The following EIF4G1 variants were observed in gnomAD, a reference collection of about 807,000 sequenced individuals.
The protein encoded by EIF4G1 is eukaryotic translation initiation factor 4 gamma 1.
A neutral mutation model predicts 187.8 loss-of-function variants in EIF4G1; 4 were observed. The observed-to-expected ratio is 0.02, with a 90% confidence interval of 0.01 to 0.05. EIF4G1 has a LOEUF of 0.05. Ranked by LOEUF, EIF4G1 falls within the 10% of genes least tolerant of loss-of-function variation. The pLI is 1.00. For missense variants in EIF4G1, 1,647 were observed against 2,081.1 expected (o/e 0.79, Z 4.06); for synonymous variants, 844 against 781.4 (o/e 1.08, Z -1.34).
chr3:184,332,973 T>A (rs890004116), intron 32 of EIF4G1, among the ~76,000 whole-genome samples: 4 of 152,116 alleles, frequency 2.6e-5, no homozygotes, highest in African/African-American at 9.7e-5. Flanking sequence ...GGAATTTGAT[T>A]TTAGTTTTTA....
Position 184,316,239 on chromosome 3 carries a change from G to C in EIF4G1, c.147+21G>C, listed in dbSNP as rs1461942445. ...GCCAGGTGAGGGGCTGTGGGGAGGG[G>C]AGTAGGGGACCTGGGTGGGAGCAGT... On this transcript the variant is annotated intron_variant, in intron 4 of 32. Transcript: ENST00000346169. 1.9e-6 allele frequency: 3 copies of C among 1,613,640 alleles called. No homozygotes were observed. The South Asian group carries it at 3.3e-5, about 18-fold the overall frequency.
chr3:184,317,526 C>A (rs764907707), intron 5 of EIF4G1, 29 bp downstream of exon 5: 1 of 1,613,302 alleles, frequency 6.2e-7, no homozygotes, highest in South Asian at 1.1e-5. Flanking sequence ...AGCCTAGAAG[C>A]CACAGACCCC....
At chr3:184,321,158 G>C in intron 9 of EIF4G1, 124 bp from the exon 10 acceptor site, 1 of 1,498,292 alleles carries the variant, frequency 6.7e-7, no homozygotes, top group Non-Finnish European at 9.2e-7. Context: ...TGGAAGTATA[G>C]CTTAGGTGGG....
At chr3:184,320,496 C>G (rs1723702210) in intron 7 of EIF4G1, 134 bp from the exon 8 acceptor site, 1 of 1,554,576 alleles carries the variant, frequency 6.4e-7, no homozygotes, top group African/African-American at 1.4e-5. Flanking sequence ...AAGTGGAACT[C>G]AAGGGGTTTC....
chr3:184,331,528 C>CGGAGGGG lies in EIF4G1; in HGVS notation c.4317_4318insGGAGGGG (p.Ser1440GlyfsTer20). 1 of 1,614,120 alleles carries CGGAGGGG rather than the reference C, an allele frequency of 6.2e-7. No homozygotes were observed. Among genetic ancestry groups the CGGAGGGG allele is most frequent in the Non-Finnish European group, 8.5e-7 (1 of 1,180,040 alleles). On this transcript the variant is annotated frameshift_variant, in exon 30 of 33. Transcript: ENST00000346169. LOFTEE classifies it high-confidence loss of function. ...AAGCCCCTGGCCAGAGGGCACTCCC[C>CGGAGGGG]TCCGAGGAGCTGAACAGGCAGCTGG... is the stretch of plus-strand genomic sequence containing the variant.
In EIF4G1 at chr3:184,319,677, C is replaced by A; in HGVS notation, c.425-12C>A. ...CGCTACCACCATTCTTCTCCGTCCC[C>A]CCTCCCCCAAGCTGGCGCCTACTAT... On this transcript the variant is annotated splice_polypyrimidine_tract_variant and intron_variant, in intron 6 of 32. Coordinates refer to ENST00000346169, the MANE Select transcript of EIF4G1 (RefSeq NM_198241.3). 6.5e-7 allele frequency: 1 copy of A among 1,533,500 alleles called. No homozygotes were observed. The highest frequency in any genetic ancestry group is 8.9e-7 in the Non-Finnish European group (1 of 1,123,028). 95.0% of individuals were successfully genotyped at this position (1,533,500 alleles called of 1,614,324 possible). A position where few individuals can be genotyped will look rare whatever the true frequency, so the allele number is the denominator to read the frequency against.
Position 184,319,680 on chromosome 3 carries a change from T to G in EIF4G1, c.425-9T>G, listed in dbSNP as rs770683478. The stretch of plus-strand genomic sequence containing the variant: ...TACCACCATTCTTCTCCGTCCCCCC[T>G]CCCCCAAGCTGGCGCCTACTATCCA... On this transcript the variant is annotated splice_polypyrimidine_tract_variant and intron_variant, in intron 6 of 32. Coordinates refer to ENST00000346169, the MANE Select transcript of EIF4G1 (RefSeq NM_198241.3). The G allele has an allele frequency of 5.2e-6, 8 of 1,547,360 alleles. No individual in the cohort carries two copies. The highest frequency in any genetic ancestry group is 6.2e-6 in the Non-Finnish European group (7 of 1,134,470).
At chr3:184,324,837 T>G in intron 17 of EIF4G1, 41 bp from the exon 18 acceptor site, 1 of 1,604,232 alleles carries the variant, frequency 6.2e-7, no homozygotes, top group Non-Finnish European at 8.5e-7. Context: ...GCCGAGTGGC[T>G]GGTTATCTTT....
intron 22 of EIF4G1, 96 bp from the exon 23 acceptor site, chr3:184,326,785 T>C: frequency 1.3e-6 from 2 of 1,541,292 alleles, no homozygotes; most frequent in Non-Finnish European, 1.8e-6. Context: ...ACTGCTTTAC[T>C]TTTGGGACTG....
chr3:184,316,244 G>A, intron 4 of EIF4G1, 26 bp downstream of exon 4: 1 of 1,613,218 alleles, frequency 6.2e-7, no homozygotes, highest in Non-Finnish European at 8.5e-7. Context: ...GAGGGGAGTA[G>A]GGGACCTGGG....
chr3:184,318,072 A>G (rs113447694), intron 6 of EIF4G1, among the ~76,000 whole-genome samples: 2,363 of 152,254 alleles, frequency 0.016, 28 homozygotes, highest in Non-Finnish European at 0.024. Flanking sequence ...CTGAGAGCCT[A>G]TTAGTAGGCT....
Position 184,321,387 on chromosome 3 carries a change from C to T in EIF4G1, c.803C>T (p.Pro268Leu). The T allele has an allele frequency of 6.2e-7, 1 of 1,614,174 alleles. No individual in the cohort carries two copies. Among genetic ancestry groups the T allele is most frequent in the Non-Finnish European group, 8.5e-7 (1 of 1,180,042 alleles). Reference protein sequence around the residue: ...QPSSPSPTPSPSPVLEPGSEP... With the variant: ...QPSSPSPTPSLSPVLEPGSEP... ...TCGTCGCCTTCTCCGACCCCATCAC[C>T]ATCCCCAGTCTTGGAACCGGGGTCT... The change falls in exon 10 of 33, where the codon CCA becomes CTA. Residue 268 changes from proline (P) to leucine (L), a missense_variant. Around this residue, in one of 11 missense-constraint regions of EIF4G1, gnomAD observed 522 missense variants for 485.2 expected, o/e 1.08. Coordinates refer to ENST00000346169, the MANE Select transcript of EIF4G1 (RefSeq NM_198241.3).
rs1278532072 is a variant in EIF4G1, at chr3:184,320,911, C to A, written c.631-16C>A. ...GACTCTTCAGTGCAAACTTGGTAAC[C>A]CTTTGTGTCCTGCAGACGGGAGGCG... On this transcript the variant is annotated splice_polypyrimidine_tract_variant and intron_variant, in intron 8 of 32. Coordinates refer to ENST00000346169, the MANE Select transcript of EIF4G1 (RefSeq NM_198241.3). The A allele has an allele frequency of 6.2e-7, 1 of 1,614,130 alleles. No homozygotes were observed. The highest frequency in any genetic ancestry group is 1.3e-5 in the African/African-American group (1 of 75,032).
chr3:184,330,723 G>GTTT (rs1725891500), intron 28 of EIF4G1, among the ~76,000 whole-genome samples: 1 of 151,960 alleles, frequency 6.6e-6, no homozygotes, highest in African/African-American at 2.4e-5. Context: ...TGGTGGACAA[G>GTTT]TTCTCTTTTA....
intron 16 of EIF4G1, 46 bp from the exon 17 acceptor site, chr3:184,324,155 C>T (rs370906567): frequency 7.4e-6 from 12 of 1,613,876 alleles, no homozygotes; most frequent in Non-Finnish European, 1.0e-5. Flanking sequence ...GAGGGCCTTC[C>T]CTGCCCAGGA....
chr3:184,321,526 T>C lies in EIF4G1; in HGVS notation c.942T>C (p.Ser314=). 6.2e-7 allele frequency: 1 copy of C among 1,614,080 alleles called. No individual in the cohort carries two copies. The highest frequency in any genetic ancestry group is 8.5e-7 in the Non-Finnish European group (1 of 1,180,004). ...AAACTGGGGAGCCATATCGCCTCTCTCCAGAACCCACTCCTCTCGCCGAAC... is the reference window on the plus strand; with the variant it reads ...AAACTGGGGAGCCATATCGCCTCTCCCCAGAACCCACTCCTCTCGCCGAAC... ...SRETGEPYRL[S]PEPTPLAEPI... is the part of the protein sequence containing the mutation. The change falls in exon 10 of 33, where the codon TCT becomes TCC. Residue 314 remains serine, a synonymous_variant. Coordinates refer to ENST00000346169, the MANE Select transcript of EIF4G1 (RefSeq NM_198241.3).
chr3:184,327,010 T>C, intron 23 of EIF4G1, 27 bp downstream of exon 23: 3 of 1,613,642 alleles, frequency 1.9e-6, no homozygotes, highest in South Asian at 1.1e-5. Flanking sequence ...ATCTTTGTTA[T>C]TCACACTGGG....
intron 32 of EIF4G1, among the ~76,000 whole-genome samples, chr3:184,332,643 G>A (rs1726338069): frequency 6.6e-6 from 1 of 152,160 alleles, no homozygotes; most frequent in African/African-American, 2.4e-5. Context: ...GCTCTCGGAG[G>A]GAGGACACCT....
intron 32 of EIF4G1, among the ~76,000 whole-genome samples, chr3:184,333,254 C>T (rs1419105121): frequency 1.3e-5 from 2 of 152,100 alleles, no homozygotes; most frequent in Non-Finnish European, 2.9e-5. Context: ...GGGTAGGCAA[C>T]GGTGGATCAA....
Sources: gnomAD v4.1 joint callset for allele counts (sites outside exome capture counted in the v4.1 genomes callset) on GRCh38, gnomAD v4.1.1 for gene constraint, gnomAD v4.1.1 regional missense constraint, MANE v1.5 for transcripts, NCBI Gene and HGNC (gene_info 2026-07-23, HGNC 2026-07-21) for gene names.